Variants in SLC43A2 observed in about 807,000 individuals in gnomAD.
SLC43A2 encodes the protein large neutral amino acids transporter small subunit 4.
Under a neutral mutation model 63.2 loss-of-function variants are expected in SLC43A2, and 38 were observed. The ratio of observed to expected loss-of-function variants is 0.60; its 90% CI spans 0.46 to 0.79. The LOEUF (loss-of-function observed/expected upper bound fraction) is 0.79. Ranked by LOEUF, SLC43A2 falls within the 30% of genes least tolerant of loss-of-function variation. The pLI is 0.00. For missense variants in SLC43A2, 644 were observed against 756.2 expected, an observed-to-expected ratio of 0.85 and a Z score of 1.74; for synonymous variants, 322 against 331.0, an observed-to-expected ratio of 0.97 and a Z score of 0.30.
chr17:1,622,564 CAA>C (rs1430269140), intron 2 of SLC43A2, among the ~76,000 whole-genome samples: 1 of 125,482 alleles, frequency 8.0e-6, no homozygotes. Flanking sequence ...GACTCTGTCT[CAA>C]AAAAAAAAAA....
rs984900085 is a variant in SLC43A2 at position 1,569,759 on chromosome 17, T to C, written c.*5845A>G. On this transcript the variant is annotated 3_prime_UTR_variant, in exon 14 of 14. Coordinates refer to ENST00000301335, the MANE Select transcript of SLC43A2 (RefSeq NM_152346.3). ...AGTGATTGATTATCTCGAGCAGCTA[T>C]TTGGCCAAGTCTTACCAAAACGTGA... 28 of 152,424 alleles carry C rather than the reference T, an allele frequency of 1.8e-4. No homozygotes were observed. The highest frequency in any genetic ancestry group is 6.5e-4 in the African/African-American group (27 of 41,554). The allele number at this position is 152,424 out of a possible 1,614,324, so 9.4% of individuals were successfully genotyped here.
intron 9 of SLC43A2, among the ~76,000 whole-genome samples, chr17:1,586,727 C>T (rs565210407): frequency 1.4e-4 from 22 of 152,236 alleles, no homozygotes; most frequent in African/African-American, 5.3e-4. Flanking sequence ...AGGCACCGCT[C>T]ACGGGGCTCT....
rs1187880590 is a variant in SLC43A2 at position 1,570,578 on chromosome 17, C to T, written c.*5026G>A. The T allele has an allele frequency of 6.7e-6, 1 of 149,680 alleles. No individual in the cohort carries two copies. Among genetic ancestry groups the T allele is most frequent in the Non-Finnish European group, 1.5e-5 (1 of 67,236 alleles). 9.3% of individuals were successfully genotyped at this position (149,680 alleles called of 1,614,324 possible). ...CTCGGCTCACTGCAAGCTCCGCCTC[C>T]CGGGTTCACACCATTCTCCTGCCTC... On this transcript the variant is annotated 3_prime_UTR_variant, in exon 14 of 14. Coordinates refer to ENST00000301335, the MANE Select transcript of SLC43A2 (RefSeq NM_152346.3).
intron 2 of SLC43A2, among the ~76,000 whole-genome samples, chr17:1,617,682 C>T (rs913988260): frequency 6.6e-6 from 1 of 152,246 alleles, no homozygotes; most frequent in African/African-American, 2.4e-5. Flanking sequence ...TGAGCCGCCA[C>T]ACCCAGCCGA....
chr17:1,594,732 C>T lies in SLC43A2; in HGVS notation c.502-1453G>A, dbSNP rs577896554. On this transcript the variant is annotated intron_variant, in intron 5 of 13. Coordinates refer to ENST00000301335, the MANE Select transcript of SLC43A2 (RefSeq NM_152346.3). ...CCTCCCGTGTAGCTGGGACTATAGG[C>T]GCCCGCCACCACACCCGGCTAATTT... 7.7e-3 allele frequency among the ~76,000 whole-genome samples: 1,163 copies of T among 150,512 alleles called. 19 individuals are homozygous for T. Among genetic ancestry groups the T allele is most frequent in the African/African-American group, 0.025 (1,023 of 40,574 alleles).
chr17:1,575,380 C>G lies in SLC43A2; in HGVS notation c.*224G>C, dbSNP rs907645080. 1 of 600,500 alleles carries G rather than the reference C, an allele frequency of 1.7e-6. No individual in the cohort carries two copies. The highest frequency in any genetic ancestry group is 2.9e-6 in the Non-Finnish European group (1 of 350,424). The allele number at this position is 600,500 out of a possible 1,614,324, so 37.2% of individuals were successfully genotyped here. On this transcript the variant is annotated 3_prime_UTR_variant, in exon 14 of 14. Coordinates refer to ENST00000301335, the MANE Select transcript of SLC43A2 (RefSeq NM_152346.3). Reference sequence around the variant, plus strand: ...CCCGGGTCCCCGGGGGGCGGCAGAGCAAAGTCAGGGCAGCCCCTGCGTTCG... The same window carrying G: ...CCCGGGTCCCCGGGGGGCGGCAGAGGAAAGTCAGGGCAGCCCCTGCGTTCG...
intron 2 of SLC43A2, among the ~76,000 whole-genome samples, chr17:1,623,031 G>A (rs1414849485): frequency 5.3e-5 from 8 of 152,154 alleles, no homozygotes; most frequent in African/African-American, 7.2e-5. Flanking sequence ...GCTTTAACCC[G>A]AGAGGCAGAG....
chr17:1,591,717 G>A lies in SLC43A2; in HGVS notation c.595-18C>T. ...TAGATGAGCTGACAGGCACCGCGGGGACGGGGTGGGGGGGGGAGGGGGCAG... is the reference window on the plus strand; with the variant it reads ...TAGATGAGCTGACAGGCACCGCGGGAACGGGGTGGGGGGGGGAGGGGGCAG... On this transcript the variant is annotated intron_variant, in intron 6 of 13. Transcript: ENST00000301335. The A allele has an allele frequency of 1.3e-5, 12 of 940,850 alleles. No individual in the cohort carries two copies. The highest frequency in any genetic ancestry group is 1.6e-5 in the Non-Finnish European group (10 of 633,208). The allele number at this position is 940,850 out of a possible 1,614,324, so 58.3% of individuals were successfully genotyped here.
chr17:1,617,153 C>G (rs1907757112), intron 2 of SLC43A2, among the ~76,000 whole-genome samples: 1 of 152,216 alleles, frequency 6.6e-6, no homozygotes, highest in Non-Finnish European at 1.5e-5. Context: ...AGGGCCCAGC[C>G]TTGGCTGTGG....
At chr17:1,599,826 T>C (rs912711255) in intron 5 of SLC43A2, among the ~76,000 whole-genome samples, 10 of 151,374 alleles carry the variant, frequency 6.6e-5, no homozygotes, top group African/African-American at 9.7e-5. Flanking sequence ...GGGTGGATCA[T>C]GAGGTCAGGA....
Position 1,578,531 on chromosome 17 carries a change from T to G in SLC43A2, c.1351-208A>C, listed in dbSNP as rs1222939129. On this transcript the variant is annotated intron_variant, in intron 11 of 13. Transcript: ENST00000301335. The surrounding 1 kb of genome is among the most constrained non-coding windows in gnomAD (Gnocchi z 6.5). ...ATTTTTTGTTTGTTTGTTTGTTTTG[T>G]TTTTTGTTTTGTTTGAGAAGAAGTC... is the stretch of plus-strand genomic sequence containing the variant. 1 of 554,626 alleles carries G rather than the reference T, an allele frequency of 1.8e-6. No individual in the cohort carries two copies. The highest frequency in any genetic ancestry group is 3.2e-6 in the Non-Finnish European group (1 of 310,542). The allele number at this position is 554,626 out of a possible 1,614,324, so 34.4% of individuals were successfully genotyped here.
intron 2 of SLC43A2, among the ~76,000 whole-genome samples, chr17:1,624,317 A>T (rs1908454499): frequency 6.6e-6 from 1 of 152,180 alleles, no homozygotes; most frequent in South Asian, 2.1e-4. Flanking sequence ...TTACACCTGT[A>T]GTCCCAGCAC....
At chr17:1,601,805 C>T (rs561968289) in intron 5 of SLC43A2, among the ~76,000 whole-genome samples, 45 of 150,384 alleles carry the variant, frequency 3.0e-4, no homozygotes, top group African/African-American at 8.8e-4. Context: ...TACCACCCTC[C>T]GGAAGGTCCA....
chr17:1,613,892 G>A (rs954867219), intron 4 of SLC43A2, among the ~76,000 whole-genome samples: 2 of 151,998 alleles, frequency 1.3e-5, no homozygotes, highest in South Asian at 4.2e-4. Context: ...TGAGCCCAGG[G>A]GTTCAAGACC....
chr17:1,625,123 A>G (rs1241910958), intron 2 of SLC43A2, among the ~76,000 whole-genome samples: 2 of 152,180 alleles, frequency 1.3e-5, no homozygotes, highest in African/African-American at 4.8e-5. Flanking sequence ...GGAGGCATCC[A>G]GCAGCCAACA....
In SLC43A2 at chr17:1,604,722, T is replaced by C. The variant is rs776254514; in HGVS notation, c.501+8473A>G. ...CCTTCTGAAGCTCCTTTTAGACCCA[T>C]CTGCCCCCTGCCCTCACCTCCTGCT... On this transcript the variant is annotated intron_variant, in intron 5 of 13. Coordinates refer to ENST00000301335, the MANE Select transcript of SLC43A2 (RefSeq NM_152346.3). 7.2e-6 allele frequency: 11 copies of C among 1,535,678 alleles called. No homozygotes were observed. In the South Asian group the frequency reaches 1.3e-4, roughly 18 times the overall value.
intron 5 of SLC43A2, among the ~76,000 whole-genome samples, chr17:1,603,657 C>T (rs959008502): frequency 7.2e-5 from 11 of 152,022 alleles, no homozygotes; most frequent in African/African-American, 2.4e-4. Context: ...TGGTGGCGTG[C>T]ACCTGTAATC....
At chr17:1,595,138 G>A (rs1259185996) in intron 5 of SLC43A2, among the ~76,000 whole-genome samples, 4 of 151,904 alleles carry the variant, frequency 2.6e-5, no homozygotes, top group Admixed American at 6.6e-5. Context: ...AAAATTAGCC[G>A]GATGTGGTGG....
intron 2 of SLC43A2, among the ~76,000 whole-genome samples, chr17:1,618,234 C>A (rs908255298): frequency 6.6e-6 from 1 of 152,228 alleles, no homozygotes; most frequent in Non-Finnish European, 1.5e-5. Flanking sequence ...AATCTGGTTT[C>A]TAGCTTCCAG....
Sources: gnomAD v4.1 joint callset for allele counts (sites outside exome capture counted in the v4.1 genomes callset) on GRCh38, gnomAD v4.1.1 for gene constraint, Gnocchi (gnomAD v3.1) non-coding constraint, MANE v1.5 for transcripts, NCBI Gene and HGNC (gene_info 2026-07-23, HGNC 2026-07-21) for gene names.